SP4: variants seen among roughly 807,000 people sequenced by gnomAD.
SP4 encodes Sp4 transcription factor.
A neutral mutation model predicts 72.8 loss-of-function variants in SP4; 19 were observed. The ratio of observed to expected loss-of-function variants is 0.26; its 90% CI spans 0.18 to 0.38. SP4 has a LOEUF of 0.38. SP4 is among the 10% of genes least tolerant of loss of function. The pLI is 1.00. For missense variants in SP4, 1,008 were observed against 926.3 expected, an observed-to-expected ratio of 1.09 and a Z score of -1.14; for synonymous variants, 395 against 333.1, an observed-to-expected ratio of 1.19 and a Z score of -2.02.
rs772044227 is a variant in SP4, at chr7:21,428,204, A to G, written c.-48A>G. 3 of 276,858 alleles carry G rather than the reference A, an allele frequency of 1.1e-5. No homozygotes were observed. The highest frequency in any genetic ancestry group is 1.8e-4 in the African/African-American group (2 of 11,252). 17.2% of individuals were successfully genotyped at this position (276,858 alleles called of 1,614,324 possible). A position where few individuals can be genotyped will look rare whatever the true frequency, so the allele number is the denominator to read the frequency against. The stretch of plus-strand genomic sequence containing the variant: ...TCCCGCCTCGCCCCCACCCCCACCC[A>G]CCTCTATCCCAGTGTCTCCGTCTGA... On this transcript the variant is annotated 5_prime_UTR_variant, in exon 1 of 6. Coordinates refer to ENST00000222584, the MANE Select transcript of SP4 (RefSeq NM_003112.5).
At position 21,429,604 on chromosome 7, in the gene SP4, AC is replaced by A; in HGVS notation, c.443del (p.Pro148LeufsTer20). 1 of 1,614,092 alleles carries A rather than the reference AC, an allele frequency of 6.2e-7. No individual in the cohort carries two copies. Among genetic ancestry groups the A allele is most frequent in the Middle Eastern group, 1.6e-4 (1 of 6,062 alleles). On this transcript the variant is annotated frameshift_variant, in exon 3 of 6. Coordinates refer to ENST00000222584, the MANE Select transcript of SP4 (RefSeq NM_003112.5). LOFTEE classifies it high-confidence loss of function. ...AAAAACTAAATCAGGTAATTCTTCC[AC>A]CCCTGGTCAATTTCAAGTCATACAA... ...PTKTKSGNSS[T>X]PGQFQVIQVQ... is the part of the protein sequence containing the mutation.
At chr7:21,456,474 G>A (rs183957292) in intron 3 of SP4, among the ~76,000 whole-genome samples, 2 of 152,266 alleles carry the variant, frequency 1.3e-5, no homozygotes, top group Admixed American at 1.3e-4. Context: ...TAAATCTCAG[G>A]GAATATCCAT....
intron 3 of SP4, among the ~76,000 whole-genome samples, chr7:21,455,108 T>C (rs891423664): frequency 6.6e-6 from 1 of 151,586 alleles, no homozygotes; most frequent in South Asian, 2.1e-4. Context: ...GTGTCAGGAG[T>C]TGAGATTTTG....
chr7:21,505,467 C>G (rs78561323), intron 5 of SP4, among the ~76,000 whole-genome samples: 12,698 of 152,214 alleles, frequency 0.083, 1,119 homozygotes, highest in East Asian at 0.27. Flanking sequence ...AGGACTTTTT[C>G]TAAGATTTGA....
At chr7:21,430,907 C>G in intron 3 of SP4, 64 bp downstream of exon 3, 1 of 1,247,352 alleles carries the variant, frequency 8.0e-7, no homozygotes, top group Non-Finnish European at 1.1e-6. Context: ...TTGCTTTTCT[C>G]TCCTAATTCT....
At chr7:21,452,701 C>G (rs545354607) in intron 3 of SP4, among the ~76,000 whole-genome samples, 1 of 152,134 alleles carries the variant, frequency 6.6e-6, no homozygotes, top group South Asian at 2.1e-4. Context: ...GTTAAGAATA[C>G]TCACAAGTAG....
At chr7:21,486,178 G>GT (rs139452222) in intron 5 of SP4, among the ~76,000 whole-genome samples, 210 of 143,800 alleles carry the variant, frequency 1.5e-3, no homozygotes, top group Admixed American at 1.9e-3. Flanking sequence ...ATTTTTTCTT[G>GT]TTTTTTTTTT....
chr7:21,440,750 C>T (rs144109127), intron 3 of SP4, among the ~76,000 whole-genome samples: 7 of 151,960 alleles, frequency 4.6e-5, no homozygotes, highest in African/African-American at 7.3e-5. Context: ...TCTGGGAGGC[C>T]GAGGTGGGAG....
At chr7:21,464,029 C>A (rs1195274117) in intron 3 of SP4, among the ~76,000 whole-genome samples, 8 of 151,562 alleles carry the variant, frequency 5.3e-5, no homozygotes, top group Admixed American at 3.9e-4. Flanking sequence ...GTGCTTAGAA[C>A]ACAGAAAAGA....
At chr7:21,473,042 A>G (rs1784397142) in intron 3 of SP4, among the ~76,000 whole-genome samples, 1 of 152,188 alleles carries the variant, frequency 6.6e-6, no homozygotes, top group Non-Finnish European at 1.5e-5. Flanking sequence ...TGGAAGAATG[A>G]TTAAATGTTA....
intron 5 of SP4, among the ~76,000 whole-genome samples, chr7:21,484,296 A>G (rs1784759826): frequency 6.6e-6 from 1 of 151,916 alleles, no homozygotes; most frequent in African/African-American, 2.4e-5. Flanking sequence ...TATACCTTAT[A>G]CATAAAGACT....
At chr7:21,480,018 G>C (rs1226766472) in intron 4 of SP4, among the ~76,000 whole-genome samples, 1 of 151,762 alleles carries the variant, frequency 6.6e-6, no homozygotes, top group Non-Finnish European at 1.5e-5. Context: ...TTGTTTAGTA[G>C]AGTCTTTAGG....
intron 5 of SP4, among the ~76,000 whole-genome samples, chr7:21,504,682 A>G (rs548162517): frequency 6.6e-6 from 1 of 152,276 alleles, no homozygotes; most frequent in African/African-American, 2.4e-5. Flanking sequence ...GTTACAAGCA[A>G]ATAATTTTTT....
chr7:21,492,483 G>A (rs894114806), intron 5 of SP4, among the ~76,000 whole-genome samples: 2 of 152,078 alleles, frequency 1.3e-5, no homozygotes. Context: ...TGCTCAGTCA[G>A]TATGTATTCT....
Position 21,482,135 on chromosome 7 carries a change from T to G in SP4, c.2107+12T>G. ...AAGAACCCATACAGGTTAGTTGATTTTAGGACTTGTACTTTTTACTTATTT... is the reference window on the plus strand; with the variant it reads ...AAGAACCCATACAGGTTAGTTGATTGTAGGACTTGTACTTTTTACTTATTT... On this transcript the variant is annotated intron_variant, in intron 5 of 5. Transcript: ENST00000222584. 3 of 1,598,764 alleles carry G rather than the reference T, an allele frequency of 1.9e-6. No individual in the cohort carries two copies. Among genetic ancestry groups the G allele is most frequent in the Non-Finnish European group, 2.6e-6 (3 of 1,168,102 alleles).
chr7:21,456,790 A>G (rs1036629908), intron 3 of SP4, among the ~76,000 whole-genome samples: 1 of 152,164 alleles, frequency 6.6e-6, no homozygotes, highest in Non-Finnish European at 1.5e-5. Context: ...CCTGTCAGTG[A>G]TATGTCTGGG....
intron 4 of SP4, among the ~76,000 whole-genome samples, chr7:21,479,050 A>T (rs1436119200): frequency 6.6e-6 from 1 of 151,618 alleles, no homozygotes; most frequent in East Asian, 1.9e-4. Context: ...CCTGGGTGAA[A>T]GAGCGAAACT....
chr7:21,489,311 A>G (rs1784906119), intron 5 of SP4, among the ~76,000 whole-genome samples: 1 of 152,078 alleles, frequency 6.6e-6, no homozygotes, highest in Non-Finnish European at 1.5e-5. Context: ...AATTTCGTTG[A>G]AGTTTTCTCA....
Position 21,456,914 on chromosome 7 carries a change from A to AT in SP4, c.1679-20165_1679-20164insT, listed in dbSNP as rs546142036. On this transcript the variant is annotated intron_variant, in intron 3 of 5. Coordinates refer to ENST00000222584, the MANE Select transcript of SP4 (RefSeq NM_003112.5). ...GTGAACTGAGAGATCAGCCCAGTGGAGGGGGAGCAGAGCCACTGTGGCCAA... is the reference window on the plus strand; with the variant it reads ...GTGAACTGAGAGATCAGCCCAGTGGATGGGGGAGCAGAGCCACTGTGGCCAA... 3.3e-3 allele frequency among the ~76,000 whole-genome samples: 507 copies of AT among 152,270 alleles called. 1 individual carries two copies. The highest frequency in any genetic ancestry group is 0.011 in the African/African-American group (469 of 41,552).
Sources: gnomAD v4.1 joint callset for allele counts (sites outside exome capture counted in the v4.1 genomes callset) on GRCh38, gnomAD v4.1.1 for gene constraint, MANE v1.5 for transcripts, NCBI Gene and HGNC (gene_info 2026-07-23, HGNC 2026-07-21) for gene names.